Variants in GPHN observed in about 807,000 individuals in gnomAD.
GPHN encodes gephyrin.
A neutral mutation model predicts 95.5 loss-of-function variants in GPHN; 17 were observed. The observed-to-expected ratio is 0.18, with a 90% confidence interval of 0.12 to 0.27. The LOEUF is 0.27. Among genes scored for constraint, GPHN ranks in the 10% least tolerant of loss-of-function variants. The pLI is 1.00. For missense variants in GPHN, 660 were observed against 978.1 expected, an observed-to-expected ratio of 0.67 and a Z score of 4.34; for synonymous variants, 320 against 322.5, an observed-to-expected ratio of 0.99 and a Z score of 0.08.
rs1175337480 is a variant in GPHN at position 66,629,088 on chromosome 14, TATATATAAATATATATTTATATAC to T, written c.65-52006_65-51983del. Among the ~76,000 whole-genome samples the T allele has an allele frequency of 4.3e-5, 6 of 138,272 alleles. No individual in the cohort carries two copies. The South Asian group carries it at 6.6e-4, about 15-fold the overall frequency. 90.7% of individuals were successfully genotyped at this position (138,272 alleles called of 152,430 possible). A position where few individuals can be genotyped will look rare whatever the true frequency, so the allele number is the denominator to read the frequency against. On this transcript the variant is annotated intron_variant, in intron 1 of 22. Coordinates refer to ENST00000478722, the MANE Select transcript of GPHN (RefSeq NM_020806.5). Reference sequence around the variant, plus strand: ...CATCTCAAAAAAAAATACATATATATATATATAAATATATATTTATATACATATATAAATATGTATATAAATATA... The same window carrying T: ...CATCTCAAAAAAAAATACATATATATATATATAAATATGTATATAAATATA...
chr14:67,533,371 G>T, the GPHN span: 1 of 151,578 alleles, frequency 6.6e-6, no homozygotes, highest in Non-Finnish European at 1.5e-5. Flanking sequence ...CCCAGTGCGC[G>T]GCGGGGACGG....
intron 1 of GPHN, among the ~76,000 whole-genome samples, chr14:66,636,323 A>G (rs1041450977): frequency 6.6e-6 from 1 of 151,994 alleles, no homozygotes; most frequent in East Asian, 1.9e-4. Context: ...TCTAGTATCT[A>G]TTATTGGTAG....
At chr14:67,461,022 C>T in the GPHN span, among the ~76,000 whole-genome samples, 2 of 152,136 alleles carry the variant, frequency 1.3e-5, no homozygotes, top group African/African-American at 4.8e-5. Flanking sequence ...AAGTAATTTG[C>T]CTTCCTATTC....
intron 10 of GPHN, among the ~76,000 whole-genome samples, chr14:67,049,845 A>G (rs1312442605): frequency 2.0e-5 from 3 of 152,114 alleles, no homozygotes; most frequent in Admixed American, 6.5e-5. Flanking sequence ...GTAGCTAATT[A>G]CTGTATAATT....
chr14:66,667,533 A>G (rs574203608), intron 1 of GPHN, among the ~76,000 whole-genome samples: 2 of 152,302 alleles, frequency 1.3e-5, no homozygotes, highest in Admixed American at 6.5e-5. Context: ...AAGAAACCTG[A>G]CAAAAACAAG....
chr14:66,643,481 T>C (rs1424423316), intron 1 of GPHN, among the ~76,000 whole-genome samples: 1 of 152,112 alleles, frequency 6.6e-6, no homozygotes, highest in Admixed American at 6.6e-5. Flanking sequence ...ACAATCCAAA[T>C]GTCTACTTAT....
chr14:67,399,073 G>A, the GPHN span, among the ~76,000 whole-genome samples: 1 of 152,170 alleles, frequency 6.6e-6, no homozygotes, highest in Non-Finnish European at 1.5e-5. Context: ...TATATTCCTA[G>A]AAAGAATATT....
At chr14:67,473,923 T>C in the GPHN span, 1 of 1,597,018 alleles carries the variant, frequency 6.3e-7, no homozygotes, top group Non-Finnish European at 8.5e-7. This position sits in a 1 kb window ranked among gnomAD's most constrained non-coding sequence, Gnocchi z 6.5. Context: ...GCAGACGCCA[T>C]GGCGCCGACT....
In GPHN at chr14:66,530,979, G is replaced by A. The variant is rs552813660; in HGVS notation, c.64+22388G>A. Among the ~76,000 whole-genome samples the A allele has an allele frequency of 2.5e-5, 3 of 121,346 alleles. No individual in the cohort carries two copies. In the South Asian group the frequency reaches 7.6e-4, roughly 31 times the overall value. 79.6% of individuals were successfully genotyped at this position (121,346 alleles called of 152,430 possible). A position where few individuals can be genotyped will look rare whatever the true frequency, so the allele number is the denominator to read the frequency against. ...TTTTTTTTTTTTTTTTTTTTGATAC[G>A]GAGTCTCTCTCTGTTCCCCAGACTG... is the stretch of plus-strand genomic sequence containing the variant. On this transcript the variant is annotated intron_variant, in intron 1 of 22. Transcript: ENST00000478722.
intron 1 of GPHN, among the ~76,000 whole-genome samples, chr14:66,612,112 T>C (rs1337804283): frequency 6.6e-6 from 1 of 152,102 alleles, no homozygotes; most frequent in Non-Finnish European, 1.5e-5. Flanking sequence ...TACATTGTTT[T>C]ATTTCTCTGA....
chr14:67,238,199 T>G, the GPHN span, among the ~76,000 whole-genome samples: 1 of 152,114 alleles, frequency 6.6e-6, no homozygotes, highest in Non-Finnish European at 1.5e-5. Flanking sequence ...GACTTGGAGA[T>G]TCTGGGATTG....
the GPHN span, chr14:67,662,411 CAT>C: frequency 7.5e-7 from 1 of 1,337,418 alleles, no homozygotes; most frequent in Admixed American, 1.8e-5. Flanking sequence ...GTGATCAGCT[CAT>C]AGCATTACTT....
chr14:67,389,852 G>A, the GPHN span, among the ~76,000 whole-genome samples: 3 of 151,486 alleles, frequency 2.0e-5, no homozygotes, highest in African/African-American at 7.3e-5. Context: ...AGCCAGAAAG[G>A]AAGGAGTTTG....
At chr14:67,112,079 A>G (rs536111259) in intron 15 of GPHN, among the ~76,000 whole-genome samples, 160 bp downstream of exon 15, 4 of 152,224 alleles carry the variant, frequency 2.6e-5, no homozygotes, top group East Asian at 3.8e-4. Flanking sequence ...TCTGTATCAC[A>G]TATCTGCCCT....
intron 5 of GPHN, among the ~76,000 whole-genome samples, chr14:66,911,315 G>A (rs903867843): frequency 1.3e-5 from 2 of 151,860 alleles, no homozygotes; most frequent in Non-Finnish European, 2.9e-5. Context: ...TTTTTGTGGA[G>A]GGTGATGAAA....
intron 1 of GPHN, among the ~76,000 whole-genome samples, chr14:66,591,943 T>C (rs1436334062): frequency 6.6e-6 from 1 of 152,232 alleles, no homozygotes; most frequent in Non-Finnish European, 1.5e-5. Context: ...AGCATGTTAC[T>C]GGTACCAAAA....
chr14:67,341,260 G>C, the GPHN span, among the ~76,000 whole-genome samples: 2 of 151,990 alleles, frequency 1.3e-5, no homozygotes, highest in Admixed American at 1.3e-4. Context: ...CATCGTCTGA[G>C]ATGTGGGGAG....
intron 19 of GPHN, among the ~76,000 whole-genome samples, chr14:67,162,291 A>C (rs2082023912): frequency 6.6e-6 from 1 of 152,218 alleles, no homozygotes; most frequent in Non-Finnish European, 1.5e-5. Context: ...TTCTCTCCTC[A>C]TTCTTATTAT....
intron 11 of GPHN, among the ~76,000 whole-genome samples, chr14:67,078,086 A>G (rs1167306875): frequency 6.6e-6 from 1 of 152,170 alleles, no homozygotes; most frequent in Non-Finnish European, 1.5e-5. Flanking sequence ...AACAGAATAA[A>G]CATTGTCTAG....
Sources: gnomAD v4.1 joint callset for allele counts (sites outside exome capture counted in the v4.1 genomes callset) on GRCh38, gnomAD v4.1.1 for gene constraint, Gnocchi (gnomAD v3.1) non-coding constraint, MANE v1.5 for transcripts, NCBI Gene and HGNC (gene_info 2026-07-23, HGNC 2026-07-21) for gene names.